The following MAGED2 variants were observed in gnomAD, a reference collection of about 807,000 sequenced individuals.
MAGED2 encodes the protein melanoma-associated antigen D2.
In MAGED2, 6 loss-of-function variants were observed where a neutral mutation model predicts 41.7. The ratio of observed to expected loss-of-function variants is 0.14; its 90% CI spans 0.08 to 0.28. The LOEUF is 0.28. MAGED2 is among the 10% of genes least tolerant of loss of function. MAGED2 has a pLI of 1.00. For synonymous variants in MAGED2, 146 were observed against 178.2 expected, an observed-to-expected ratio of 0.82 and a Z score of 1.44; for missense variants, 343 against 486.4, an observed-to-expected ratio of 0.71 and a Z score of 2.77.
At chrX:54,813,327 C>A in intron 9 of MAGED2, 161 bp from the exon 10 acceptor site, 2 of 865,974 alleles carry the variant, frequency 2.3e-6, no homozygotes, top group Non-Finnish European at 3.2e-6. Flanking sequence ...TGGTCCTGAA[C>A]TCTCTGCTCC....
intron 7 of MAGED2, among the ~76,000 whole-genome samples, chrX:54,812,520 C>T (rs372765679): frequency 6.1e-4 from 68 of 111,897 alleles, no homozygotes; most frequent in African/African-American, 2.1e-3. Context: ...GCAGGCCTGT[C>T]GTTGCTTGCC....
At chrX:54,809,611 C>T (rs1929734148) in intron 2 of MAGED2, 111 bp from the exon 3 acceptor site, 2 of 1,113,492 alleles carry the variant, frequency 1.8e-6, no homozygotes, top group African/African-American at 1.8e-5. Flanking sequence ...CAGAGCACAC[C>T]GCAGGTAGGA....
At chrX:54,811,462 A>G (rs1929800872) in intron 5 of MAGED2, 112 bp from the exon 6 acceptor site, 1 of 891,954 alleles carries the variant, frequency 1.1e-6, no homozygotes, top group Non-Finnish European at 1.6e-6. Flanking sequence ...GTTGATAAGC[A>G]CAGAACCGGG....
intron 10 of MAGED2, chrX:54,814,404 C>G: frequency 2.0e-6 from 1 of 502,335 alleles, no homozygotes; most frequent in East Asian, 3.9e-5. Context: ...CAAAGAATGG[C>G]TCCTCTGTTT....
intron 3 of MAGED2, 22 bp downstream of exon 3, chrX:54,810,235 C>T: frequency 9.9e-7 from 1 of 1,005,412 alleles, no homozygotes; most frequent in Non-Finnish European, 1.3e-6. Flanking sequence ...GCAGTCACCA[C>T]CCTTGGTTTT....
Position 54,810,063 on chromosome X carries a change from G to A in MAGED2, c.387G>A (p.Val129=). 2 of 1,208,907 alleles carry A rather than the reference G, an allele frequency of 1.7e-6. No individual in the cohort carries two copies. Among genetic ancestry groups the A allele is most frequent in the Non-Finnish European group, 2.2e-6 (2 of 894,075 alleles). The change falls in exon 3 of 13, where the codon GTG becomes GTA. Residue 129 remains valine (V), a synonymous_variant. Coordinates refer to ENST00000375068, the MANE Select transcript of MAGED2 (RefSeq NM_177433.3). ...CTGAGACCAAAAAGGTCAGCCATGT[G>A]GCTGATACAAAGGTCAATACAAAGG... ...PATETKKVSH[V]ADTKVNTKAQ... is the part of the protein sequence containing the mutation.
intron 1 of MAGED2, chrX:54,808,216 T>G (rs1929672969): frequency 1.1e-5 from 1 of 93,913 alleles, no homozygotes; most frequent in African/African-American, 4.2e-5. Context: ...AAATGTGAGG[T>G]AGGAATAGGG....
rs1476224619 is a variant in MAGED2 at position 54,809,838 on chromosome X, T to C, written c.162T>C (p.Asp54=). 2 of 1,198,573 alleles carry C rather than the reference T, an allele frequency of 1.7e-6. No individual in the cohort carries two copies. The highest frequency in any genetic ancestry group is 2.3e-6 in the Non-Finnish European group (2 of 888,635). Residue 54 remains aspartate, a synonymous_variant, in exon 3 of 13, where the codon GAT becomes GAC. Transcript: ENST00000375068. Reference sequence around the variant, plus strand: ...CAAAGGCACTGGAGGTCTCAGAGGATGTGAAGGTCTCAAAAGCCTCTGGGG... The same window carrying C: ...CAAAGGCACTGGAGGTCTCAGAGGACGTGAAGGTCTCAAAAGCCTCTGGGG... ...KASKALEVSE[D]VKVSKASGVS...
chrX:54,811,788 T>C (rs1929815316), intron 6 of MAGED2, 135 bp downstream of exon 6: 2 of 493,957 alleles, frequency 4.0e-6, no homozygotes, highest in South Asian at 6.3e-5. Flanking sequence ...GACAGTGGCC[T>C]AGGGAGGGGT....
At chrX:54,811,170 T>G (rs1011496295) in intron 4 of MAGED2, 41 bp downstream of exon 4, 3 of 1,193,613 alleles carry the variant, frequency 2.5e-6, no homozygotes, top group Admixed American at 2.2e-5. Flanking sequence ...TTCTACTGCC[T>G]TGGCTGTCCT....
Position 54,813,521 on chromosome X carries a change from G to A in MAGED2, c.1242G>A (p.Lys414=), listed in dbSNP as rs1929871341. The A allele has an allele frequency of 8.3e-7, 1 of 1,208,603 alleles. No individual in the cohort carries two copies. Among genetic ancestry groups the A allele is most frequent in the Non-Finnish European group, 1.1e-6 (1 of 892,559 alleles). The change falls in exon 10 of 13, where the codon AAG becomes AAA. Residue 414 remains lysine, a synonymous_variant. Coordinates refer to ENST00000375068, the MANE Select transcript of MAGED2 (RefSeq NM_177433.3). ...ATTCACTCTTTGGGGACGTGAAGAA[G>A]CTCATCACTGATGAGTTTGTGAAGC... ...IHHSLFGDVK[K]LITDEFVKQK...
At chrX:54,809,636 G>C in intron 2 of MAGED2, 86 bp from the exon 3 acceptor site, 1 of 1,143,534 alleles carries the variant, frequency 8.7e-7, no homozygotes, top group Non-Finnish European at 1.2e-6. Context: ...GTACAGGTCA[G>C]AGAAGTGTGG....
Position 54,813,330 on chromosome X carries a change from T to C in MAGED2, c.1209-158T>C, listed in dbSNP as rs987053441. ...ATGATGGGTGAATGGTCCTGAACTCTCTGCTCCCTCTCTCAGTGTCTCTTG... is the reference window on the plus strand; with the variant it reads ...ATGATGGGTGAATGGTCCTGAACTCCCTGCTCCCTCTCTCAGTGTCTCTTG... On this transcript the variant is annotated intron_variant, in intron 9 of 12. Transcript: ENST00000375068. The C allele has an allele frequency of 6.2e-5, 53 of 851,649 alleles. No homozygotes were observed. In the East Asian group the frequency reaches 1.3e-3, roughly 21 times the overall value. 70.2% of individuals were successfully genotyped at this position (851,649 alleles called of 1,213,427 possible). A position where few individuals can be genotyped will look rare whatever the true frequency, so the allele number is the denominator to read the frequency against.
chrX:54,813,189 G>C lies in MAGED2; in HGVS notation c.1208+29G>C, dbSNP rs1216025423. On this transcript the variant is annotated intron_variant, in intron 9 of 12. Transcript: ENST00000375068. ...TGATTGGGCTCTCTCAGCGCTTGCT[G>C]TCCGTGTTGTCCTTTGGCAAGAGAG... is the stretch of plus-strand genomic sequence containing the variant. 5.0e-6 allele frequency: 6 copies of C among 1,210,452 alleles called. No individual in the cohort carries two copies. In the Admixed American group the frequency reaches 1.3e-4, roughly 26 times the overall value.
At chrX:54,813,459 T>C (rs1194529653) in intron 9 of MAGED2, 29 bp from the exon 10 acceptor site, 2 of 1,156,650 alleles carry the variant, frequency 1.7e-6, no homozygotes, top group Non-Finnish European at 2.4e-6. Context: ...AATTTATTTG[T>C]TTATTTATTT....
chrX:54,814,914 C>A, intron 11 of MAGED2, 139 bp downstream of exon 11: 1 of 476,379 alleles, frequency 2.1e-6, no homozygotes, highest in Non-Finnish European at 3.6e-6. Context: ...CTGTAACAGG[C>A]ACTTTATCTG....
At chrX:54,809,695 T>C in intron 2 of MAGED2, 27 bp from the exon 3 acceptor site, 1 of 1,186,098 alleles carries the variant, frequency 8.4e-7, no homozygotes, top group South Asian at 1.9e-5. Context: ...GGAGAAGGTC[T>C]ATGAACTTCC....
Position 54,812,244 on chromosome X carries a change from C to T in MAGED2, c.1078C>T (p.Leu360=), listed in dbSNP as rs372304202. ...CTTAGAGCCCACTGATGCAGGCATA[C>T]TGGGAACGTAAGCTGGGAAAGGGCT... ...STLEPTDAGI[L]GTTKDSPKLG... Residue 360 remains leucine (L), a synonymous_variant, in exon 7 of 13, where the codon CTG becomes TTG. Transcript: ENST00000375068. The T allele has an allele frequency of 5.1e-6, 6 of 1,176,530 alleles. No individual in the cohort carries two copies. In the African/African-American group the frequency reaches 8.9e-5, roughly 17 times the overall value.
chrX:54,808,854 A>T (rs1929701742), intron 1 of MAGED2, among the ~76,000 whole-genome samples: 1 of 112,579 alleles, frequency 8.9e-6, no homozygotes. Flanking sequence ...GACTGAGACC[A>T]CGACCATTGC....
Sources: gnomAD v4.1 joint callset for allele counts (sites outside exome capture counted in the v4.1 genomes callset) on GRCh38, gnomAD v4.1.1 for gene constraint, MANE v1.5 for transcripts, NCBI Gene and HGNC (gene_info 2026-07-23, HGNC 2026-07-21) for gene names.